The following SEZ6 variants were observed in gnomAD, a reference collection of about 807,000 sequenced individuals.
The protein encoded by SEZ6 is seizure protein 6 homolog.
SEZ6 carries 53 observed loss-of-function variants against 101.0 expected under a neutral mutation model. The observed-to-expected ratio is 0.52, with a 90% CI of 0.42 to 0.66. The LOEUF (loss-of-function observed/expected upper bound fraction) is 0.66, where lower values mean the gene tolerates loss of function less well. Among genes scored for constraint, SEZ6 ranks in the 30% least tolerant of loss-of-function variants. SEZ6 has a pLI of 0.00. For missense variants in SEZ6, 1,102 were observed against 1,289.4 expected, an observed-to-expected ratio of 0.85 and a Z score of 2.23; for synonymous variants, 488 against 512.2, an observed-to-expected ratio of 0.95 and a Z score of 0.64.
Position 28,959,426 on chromosome 17 carries a change from A to G in SEZ6, c.1818T>C (p.Ser606=), listed in dbSNP as rs375770520. ...GACCGTAGGGCTCTGGCCAGTTGGG[A>G]GAGAGTACCACGCCAGCCGAGTCTG... ...EITDSAGVVL[S]PNWPEPYGRG... Residue 606 remains serine, a synonymous_variant, in exon 9 of 17, where the codon TCT becomes TCC. Coordinates refer to ENST00000317338, the MANE Select transcript of SEZ6 (RefSeq NM_178860.5). This position sits in a 1 kb window ranked among gnomAD's most constrained non-coding sequence, Gnocchi z 4.4. 1.7e-5 allele frequency: 28 copies of G among 1,613,652 alleles called. No homozygotes were observed. Among genetic ancestry groups the G allele is most frequent in the East Asian group, 2.2e-5 (1 of 44,880 alleles).
intron 1 of SEZ6, among the ~76,000 whole-genome samples, chr17:28,998,094 G>T (rs1470128791): frequency 6.6e-6 from 1 of 151,936 alleles, no homozygotes; most frequent in Non-Finnish European, 1.5e-5. Flanking sequence ...GGGAGGGAAG[G>T]AGAGAGGAAG....
At chr17:28,960,025 A>C in intron 7 of SEZ6, 133 bp from the exon 8 acceptor site, 1 of 1,007,198 alleles carries the variant, frequency 9.9e-7, no homozygotes, top group Non-Finnish European at 1.4e-6. Context: ...CTGGGGTTGG[A>C]GCAGGAATGT....
intron 1 of SEZ6, among the ~76,000 whole-genome samples, chr17:28,983,791 G>C (rs2041341966): frequency 6.6e-6 from 1 of 152,100 alleles, no homozygotes. Context: ...AGATCACAGA[G>C]TTTGCAAGGA....
At chr17:29,000,447 C>A (rs2041600999) in intron 1 of SEZ6, among the ~76,000 whole-genome samples, 2 of 152,228 alleles carry the variant, frequency 1.3e-5, no homozygotes. Context: ...CCAGTGAAGG[C>A]TGGGCCCCTG....
rs2041301557 is a variant in SEZ6, at chr17:28,981,459, G to A, written c.636C>T (p.Ile212=). Residue 212 remains isoleucine (I), a synonymous_variant, in exon 2 of 17, where the codon ATC becomes ATT. Coordinates refer to ENST00000317338, the MANE Select transcript of SEZ6 (RefSeq NM_178860.5). ...QGAGIGIQGT[I]TSSTASGDDE... is the part of the protein sequence containing the mutation. ...CATCTCCTGAAGCTGTGGAGGAGGT[G>A]ATGGTCCCCTGGATCCCGATCCCTG... 2 of 1,568,818 alleles carry A rather than the reference G, an allele frequency of 1.3e-6. No individual in the cohort carries two copies. The highest frequency in any genetic ancestry group is 1.7e-6 in the Non-Finnish European group (2 of 1,156,304).
At chr17:28,957,292 G>A (rs577997159) in intron 12 of SEZ6, 50 bp from the exon 13 acceptor site, 8 of 1,611,364 alleles carry the variant, frequency 5.0e-6, no homozygotes, top group East Asian at 2.2e-5. Flanking sequence ...TGGCCTCCAG[G>A]GCAGCATCTT....
chr17:28,981,310 T>C (rs2152689265), intron 2 of SEZ6, 61 bp downstream of exon 2: 1 of 1,494,740 alleles, frequency 6.7e-7, no homozygotes, highest in Admixed American at 2.1e-5. Context: ...GACAGGCTTT[T>C]AGGGGCCCCG....
At position 29,005,954 on chromosome 17, in the gene SEZ6, G is replaced by C. The variant is rs1251976624; in HGVS notation, c.-85C>G. ...GGGGCTTGGGCGCGGGGGCAGAGCC[G>C]GGTCCGGCCGGGTAGAGGGAGCGGG... On this transcript the variant is annotated 5_prime_UTR_variant, in exon 1 of 17. Coordinates refer to ENST00000317338, the MANE Select transcript of SEZ6 (RefSeq NM_178860.5). The surrounding 1 kb of genome is among the most constrained non-coding windows in gnomAD (Gnocchi z 4.8). 1.5e-5 allele frequency: 18 copies of C among 1,190,230 alleles called. No homozygotes were observed. The highest frequency in any genetic ancestry group is 1.9e-5 in the Non-Finnish European group (18 of 931,942). 73.7% of individuals were successfully genotyped at this position (1,190,230 alleles called of 1,614,324 possible).
In SEZ6 at chr17:28,960,610, C is replaced by T; in HGVS notation, c.1471G>A (p.Glu491Lys). The change falls in exon 7 of 17, where the codon GAA becomes AAA. Residue 491 changes from glutamate (E) to lysine (K), a missense_variant. By Grantham distance (56) the Glu-to-Lys change is moderately conservative. Around this residue, in one of 3 missense-constraint regions of SEZ6, gnomAD observed 556 missense variants for 735.1 expected, o/e 0.76. Coordinates refer to ENST00000317338, the MANE Select transcript of SEZ6 (RefSeq NM_178860.5). ...APPVYDSYEV[E>K]YLPIEGLLSS... ...AGCAGGCCCTCAATGGGCAGGTATT[C>T]CACCTCATAGGAATCATACACTGGT... 1 of 1,591,678 alleles carries T rather than the reference C, an allele frequency of 6.3e-7. No homozygotes were observed. The highest frequency in any genetic ancestry group is 8.6e-7 in the Non-Finnish European group (1 of 1,169,224).
chr17:28,960,003 C>T (rs1450992243), intron 7 of SEZ6, 111 bp from the exon 8 acceptor site: 16 of 1,162,558 alleles, frequency 1.4e-5, no homozygotes, highest in Middle Eastern at 2.6e-4. Context: ...GTACGAATGA[C>T]AAATATATGT....
intron 3 of SEZ6, 65 bp from the exon 4 acceptor site, chr17:28,970,017 C>G: frequency 1.4e-6 from 2 of 1,418,178 alleles, no homozygotes; most frequent in Non-Finnish European, 1.9e-6. Flanking sequence ...TGGATCCTGC[C>G]GCCCTCAGGA....
At position 28,956,192 on chromosome 17, in the gene SEZ6, C is replaced by T; in HGVS notation, c.2919G>A (p.Glu973=). The change falls in exon 16 of 17, where the codon GAG becomes GAA. Residue 973 remains glutamate (E), a synonymous_variant. Transcript: ENST00000317338. ...RPRPYNRITI[E]SAFDNPTYET... ...CGTAAGTTGGATTGTCAAACGCTGACTCTATGGTAATGCGGTTGTAGGGGC... is the reference window on the plus strand; with the variant it reads ...CGTAAGTTGGATTGTCAAACGCTGATTCTATGGTAATGCGGTTGTAGGGGC... 3 of 1,580,342 alleles carry T rather than the reference C, an allele frequency of 1.9e-6. No individual in the cohort carries two copies. Among genetic ancestry groups the T allele is most frequent in the Non-Finnish European group, 2.6e-6 (3 of 1,169,492 alleles).
At position 28,995,152 on chromosome 17, in the gene SEZ6, C is replaced by T. The variant is rs1198000617; in HGVS notation, c.55+10663G>A. Among the ~76,000 whole-genome samples the T allele has an allele frequency of 3.3e-5, 5 of 152,176 alleles. No individual in the cohort carries two copies. The South Asian group carries it at 1.0e-3, about 32-fold the overall frequency. On this transcript the variant is annotated intron_variant, in intron 1 of 16. Coordinates refer to ENST00000317338, the MANE Select transcript of SEZ6 (RefSeq NM_178860.5). ...CCTCCCAAAGTGCTTGGATTACAGG[C>T]GTGAGCCACCGCGCCCGGCCGACTT...
chr17:28,960,153 T>C, intron 7 of SEZ6: 1 of 579,752 alleles, frequency 1.7e-6, no homozygotes. Context: ...ACTCCATACA[T>C]GTTTTTTGAA....
At chr17:28,991,488 G>GTA (rs2041457148) in intron 1 of SEZ6, among the ~76,000 whole-genome samples, 1 of 152,240 alleles carries the variant, frequency 6.6e-6, no homozygotes, top group Non-Finnish European at 1.5e-5. Context: ...TTACAGGTAT[G>GTA]AGTCACAGCG....
intron 3 of SEZ6, among the ~76,000 whole-genome samples, chr17:28,975,075 G>A (rs969885046): frequency 1.3e-5 from 2 of 152,202 alleles, no homozygotes; most frequent in African/African-American, 4.8e-5. Flanking sequence ...GGGGCACAGC[G>A]CTAGCAGTCA....
chr17:28,981,277 G>A (rs2041297190), intron 2 of SEZ6, 94 bp downstream of exon 2: 4 of 1,461,454 alleles, frequency 2.7e-6, no homozygotes, highest in Admixed American at 2.5e-5. Context: ...CCAAAGGGCA[G>A]GGCAGGCTGG....
chr17:28,958,058 C>A lies in SEZ6; in HGVS notation c.2191G>T (p.Gly731Cys). Residue 731 changes from glycine (G) to cysteine (C), a missense_variant, in exon 11 of 17, where the codon GGC becomes TGC. Coordinates refer to ENST00000317338, the MANE Select transcript of SEZ6 (RefSeq NM_178860.5). ...KSPSQPELVHGTVVTYQCYPG... is the reference protein window; with the variant it reads ...KSPSQPELVHCTVVTYQCYPG... ...TAGCACTGGTAAGTGACCACGGTGC[C>A]GTGCACTAGCTCAGGCTGCGATGGG... 1 of 1,613,656 alleles carries A rather than the reference C, an allele frequency of 6.2e-7. No individual in the cohort carries two copies. The highest frequency in any genetic ancestry group is 8.5e-7 in the Non-Finnish European group (1 of 1,179,644).
At position 28,959,958 on chromosome 17, in the gene SEZ6, C is replaced by T. The variant is rs1171403192; in HGVS notation, c.1577-66G>A. ...TATTAAACACAGTGGGCAAGCATCC[C>T]CCTACTTCCCTCCCCAGAGCCTTTC... is the stretch of plus-strand genomic sequence containing the variant. On this transcript the variant is annotated intron_variant, in intron 7 of 16. Transcript: ENST00000317338. The surrounding 1 kb of genome is among the most constrained non-coding windows in gnomAD (Gnocchi z 4.4). The T allele has an allele frequency of 2.0e-6, 3 of 1,496,626 alleles. No homozygotes were observed. Among genetic ancestry groups the T allele is most frequent in the Non-Finnish European group, 2.7e-6 (3 of 1,103,608 alleles). 92.7% of individuals were successfully genotyped at this position (1,496,626 alleles called of 1,614,324 possible).
Sources: gnomAD v4.1 joint callset for allele counts (sites outside exome capture counted in the v4.1 genomes callset) on GRCh38, gnomAD v4.1.1 for gene constraint, gnomAD v4.1.1 regional missense constraint, Gnocchi (gnomAD v3.1) non-coding constraint, MANE v1.5 for transcripts, NCBI Gene and HGNC (gene_info 2026-07-23, HGNC 2026-07-21) for gene names.